ARHGAP10: variants seen among roughly 807,000 people sequenced by gnomAD.
ARHGAP10 encodes rho GTPase-activating protein 10.
Under a neutral mutation model 108.6 loss-of-function variants are expected in ARHGAP10, and 87 were observed. The observed-to-expected ratio is 0.80, with a 90% CI of 0.67 to 0.96. The LOEUF (loss-of-function observed/expected upper bound fraction) is 0.96. Among genes scored for constraint, ARHGAP10 ranks in the 40% least tolerant of loss-of-function variants. ARHGAP10 has a pLI of 0.00. For synonymous variants in ARHGAP10, 347 were observed against 341.1 expected (o/e 1.02, Z -0.19); for missense variants, 939 against 954.5 (o/e 0.98, Z 0.21).
chr4:147,988,924 A>G (rs1320981641), intron 18 of ARHGAP10, among the ~76,000 whole-genome samples: 2 of 152,224 alleles, frequency 1.3e-5, no homozygotes. Flanking sequence ...GTATGAGCCT[A>G]TACCAAAAGA....
chr4:147,995,597 T>C (rs1199132837), intron 18 of ARHGAP10, among the ~76,000 whole-genome samples: 4 of 152,192 alleles, frequency 2.6e-5, no homozygotes, highest in African/African-American at 7.2e-5. Context: ...AAAGACAGAT[T>C]TGTCAGCCTT....
intron 20 of ARHGAP10, among the ~76,000 whole-genome samples, chr4:148,053,748 A>G (rs1345124675): frequency 1.3e-5 from 2 of 152,180 alleles, no homozygotes; most frequent in African/African-American, 4.8e-5. Flanking sequence ...AAATTATGCT[A>G]TGCCGACTGC....
intron 13 of ARHGAP10, among the ~76,000 whole-genome samples, chr4:147,917,814 ATTAAT>A (rs1231241860): frequency 3.0e-4 from 46 of 151,014 alleles, no homozygotes; most frequent in African/African-American, 9.7e-4. Flanking sequence ...TCTCATTTTG[ATTAAT>A]TTATCACATT....
At chr4:147,923,305 A>C (rs1737322641) in intron 13 of ARHGAP10, among the ~76,000 whole-genome samples, 1 of 152,222 alleles carries the variant, frequency 6.6e-6, no homozygotes, top group African/African-American at 2.4e-5. Context: ...GTAAGTACAA[A>C]TGAGCCGCCC....
intron 14 of ARHGAP10, among the ~76,000 whole-genome samples, chr4:147,943,379 A>G (rs530238722): frequency 6.6e-6 from 1 of 152,360 alleles, no homozygotes; most frequent in African/African-American, 2.4e-5. Context: ...TTTGTTGCAT[A>G]GATTGGGGAA....
At chr4:147,848,222 G>C (rs1733714029) in intron 4 of ARHGAP10, among the ~76,000 whole-genome samples, 1 of 152,062 alleles carries the variant, frequency 6.6e-6, no homozygotes, top group African/African-American at 2.4e-5. Context: ...TTTATGGAAT[G>C]AATTCTCATT....
intron 20 of ARHGAP10, among the ~76,000 whole-genome samples, chr4:148,050,598 C>T (rs551129818): frequency 6.6e-6 from 1 of 151,978 alleles, no homozygotes; most frequent in Non-Finnish European, 1.5e-5. Context: ...TGGTCTCGAT[C>T]TCCTGACCTC....
Position 148,064,362 on chromosome 4 carries a change from T to G in ARHGAP10, c.2181-54T>G, listed in dbSNP as rs1246863618. 5.2e-6 allele frequency: 8 copies of G among 1,550,786 alleles called. No homozygotes were observed. In the Admixed American group the frequency reaches 5.3e-5, roughly 10 times the overall value. ...GGAAGGGGGGTTGGGGGGTGAAGTTTCTCTCTGTTTTCCACATTTTCATTG... is the reference window on the plus strand; with the variant it reads ...GGAAGGGGGGTTGGGGGGTGAAGTTGCTCTCTGTTTTCCACATTTTCATTG... On this transcript the variant is annotated intron_variant, in intron 21 of 22. Transcript: ENST00000336498.
chr4:148,029,940 G>T (rs1032961614), intron 19 of ARHGAP10, among the ~76,000 whole-genome samples: 17 of 151,980 alleles, frequency 1.1e-4, no homozygotes, highest in Non-Finnish European at 2.2e-4. Flanking sequence ...GAAATTATGT[G>T]GGATGCCTCC....
rs372040152 is a variant in ARHGAP10 at position 148,067,446 on chromosome 4, G to A, written c.2272+2939G>A. Among the ~76,000 whole-genome samples the A allele has an allele frequency of 3.3e-5, 5 of 152,274 alleles. No homozygotes were observed. The East Asian group carries it at 7.7e-4, about 24-fold the overall frequency. ...TGACACTGAGAAGACAGACTGGCAGGTCATCTGACCACGGCTTCTGTGGAG... is the reference window on the plus strand; with the variant it reads ...TGACACTGAGAAGACAGACTGGCAGATCATCTGACCACGGCTTCTGTGGAG... On this transcript the variant is annotated intron_variant, in intron 22 of 22. Transcript: ENST00000336498.
chr4:148,007,817 A>G (rs1398795545), intron 18 of ARHGAP10, among the ~76,000 whole-genome samples: 5 of 152,202 alleles, frequency 3.3e-5, no homozygotes, highest in Non-Finnish European at 7.3e-5. Flanking sequence ...TTGGAACTTA[A>G]AAATTGATAC....
At chr4:147,972,819 G>T (rs1406477940) in intron 18 of ARHGAP10, among the ~76,000 whole-genome samples, 1 of 151,928 alleles carries the variant, frequency 6.6e-6, no homozygotes, top group African/African-American at 2.4e-5. Context: ...CAGTGGCATG[G>T]TCTTGGCTCA....
chr4:147,834,480 A>G (rs1481592223), intron 3 of ARHGAP10, among the ~76,000 whole-genome samples: 2 of 152,140 alleles, frequency 1.3e-5, no homozygotes, highest in African/African-American at 4.8e-5. Flanking sequence ...CAAAAAAATT[A>G]ATAAAATTCA....
intron 1 of ARHGAP10, among the ~76,000 whole-genome samples, chr4:147,803,552 G>C (rs1259895744): frequency 6.6e-6 from 1 of 152,150 alleles, no homozygotes; most frequent in East Asian, 1.9e-4. Context: ...GTCTAACTCT[G>C]TTTGTACCCA....
intron 18 of ARHGAP10, among the ~76,000 whole-genome samples, chr4:147,980,724 C>T (rs1015001045): frequency 2.0e-5 from 3 of 152,168 alleles, no homozygotes; most frequent in Admixed American, 6.5e-5. Context: ...ACTCCATTAT[C>T]GGTCTGTTCA....
intron 1 of ARHGAP10, among the ~76,000 whole-genome samples, chr4:147,734,095 G>A (rs962014831): frequency 1.4e-4 from 22 of 152,054 alleles, no homozygotes; most frequent in Non-Finnish European, 3.2e-4. Flanking sequence ...TGAGGACTGA[G>A]GACTCTTTCT....
intron 1 of ARHGAP10, among the ~76,000 whole-genome samples, chr4:147,819,019 C>G (rs1162281630): frequency 6.6e-6 from 1 of 152,158 alleles, no homozygotes; most frequent in East Asian, 1.9e-4. Flanking sequence ...ATTCTTAGCA[C>G]AGGTACAAAG....
At chr4:147,845,190 G>A (rs369427950) in intron 3 of ARHGAP10, among the ~76,000 whole-genome samples, 1 of 152,220 alleles carries the variant, frequency 6.6e-6, no homozygotes, top group East Asian at 1.9e-4. Flanking sequence ...TAGCTTAAAT[G>A]TCACTACTTT....
At position 147,847,206 on chromosome 4, in the gene ARHGAP10, A is replaced by G; in HGVS notation, c.368A>G (p.Gln123Arg). 1 of 1,612,836 alleles carries G rather than the reference A, an allele frequency of 6.2e-7. No homozygotes were observed. Among genetic ancestry groups the G allele is most frequent in the South Asian group, 1.1e-5 (1 of 91,036 alleles). ...CCCTTGGAAAAATTCAGAAAAGAGC[A>G]ACTTGGAGCTGTAAAGGTTTGTGTC... ...IKPLEKFRKE[Q>R]LGAVKEEKKK... Residue 123 changes from glutamine (Q) to arginine (R), a missense_variant, in exon 4 of 23, where the codon CAA (glutamine) becomes CGA (arginine). Physicochemically the swap from Gln to Arg is conservative, Grantham distance 43 (BLOSUM62 1). Transcript: ENST00000336498.
Sources: allele counts gnomAD v4.1 joint callset (sites outside exome capture counted in the v4.1 genomes callset), GRCh38; gene constraint gnomAD v4.1.1; transcripts MANE v1.5; gene names NCBI Gene and HGNC (gene_info 2026-07-23, HGNC 2026-07-21).